U2SURP: variants seen among roughly 807,000 people sequenced by gnomAD.
The protein encoded by U2SURP is U2 snRNP-associated SURP motif-containing protein.
In U2SURP, 9 loss-of-function variants were observed where a neutral mutation model predicts 144.9. The observed-to-expected ratio is 0.06, with a 90% confidence interval of 0.04 to 0.11. The LOEUF is 0.11. U2SURP is among the 10% of genes least tolerant of loss of function. The probability of loss-of-function intolerance (pLI) is 1.00; values close to 1 mark genes in which losing one functional copy is unlikely to be tolerated. For synonymous variants in U2SURP, 408 were observed against 396.8 expected (o/e 1.03, Z -0.33); for missense variants, 724 against 1,226.7 (o/e 0.59, Z 6.12).
At chr3:143,026,961 T>A (rs990282144) in intron 13 of U2SURP, 188 bp from the exon 14 acceptor site, 4 of 464,740 alleles carry the variant, frequency 8.6e-6, no homozygotes, top group Non-Finnish European at 1.5e-5. Flanking sequence ...ACTTCCCTAC[T>A]CCCACTGCCC....
intron 17 of U2SURP, 119 bp downstream of exon 17, chr3:143,033,065 T>C (rs1933596052): frequency 6.7e-6 from 8 of 1,196,632 alleles, no homozygotes; most frequent in Non-Finnish European, 9.3e-6. Flanking sequence ...TCTTATGTTA[T>C]TTCTGCTTGG....
chr3:143,037,958 T>G, intron 21 of U2SURP, 150 bp from the exon 22 acceptor site: 1 of 469,944 alleles, frequency 2.1e-6, no homozygotes, highest in Non-Finnish European at 3.8e-6. Context: ...GAGAATTGGT[T>G]TAGTCATAGT....
intron 1 of U2SURP, among the ~76,000 whole-genome samples, chr3:143,005,702 CTT>C (rs1172556027): frequency 6.6e-6 from 1 of 152,006 alleles, no homozygotes; most frequent in Non-Finnish European, 1.5e-5. Context: ...TTTATTTTCA[CTT>C]TTTGTTTTTT....
intron 6 of U2SURP, among the ~76,000 whole-genome samples, chr3:143,018,073 T>A (rs374523963): frequency 5.8e-4 from 88 of 152,120 alleles, no homozygotes; most frequent in Middle Eastern, 6.8e-3. Flanking sequence ...AGAAAAAAAA[T>A]TTAAATAAAG....
intron 18 of U2SURP, among the ~76,000 whole-genome samples, chr3:143,033,881 C>T (rs1933652971): frequency 6.6e-6 from 1 of 152,142 alleles, no homozygotes; most frequent in Non-Finnish European, 1.5e-5. Context: ...TATCATATCA[C>T]TTTCTTAGCT....
intron 13 of U2SURP, chr3:143,025,747 C>T (rs1578135530): frequency 6.6e-6 from 1 of 152,082 alleles, no homozygotes; most frequent in South Asian, 2.1e-4. Flanking sequence ...CATGATTTCC[C>T]CTTTGTAAAG....
chr3:143,014,000 C>T (rs1936239380), intron 3 of U2SURP, among the ~76,000 whole-genome samples: 1 of 151,868 alleles, frequency 6.6e-6, no homozygotes, highest in African/African-American at 2.4e-5. Flanking sequence ...CTGTACTTTC[C>T]CCCTCAAATG....
At position 143,010,807 on chromosome 3, in the gene U2SURP, A is replaced by C; in HGVS notation, c.46-8A>C. On this transcript the variant is annotated splice_region_variant and splice_polypyrimidine_tract_variant and intron_variant, in intron 1 of 27. Transcript: ENST00000473835. ...TAAATTATTGACTTTTATTTTTGAT[A>C]CTTGTAGACGAGATCATCAGATGTT... 6.3e-7 allele frequency: 1 copy of C among 1,597,696 alleles called. No individual in the cohort carries two copies. Among genetic ancestry groups the C allele is most frequent in the Non-Finnish European group, 8.5e-7 (1 of 1,169,964 alleles).
At chr3:143,007,597 G>C (rs1350559257) in intron 1 of U2SURP, among the ~76,000 whole-genome samples, 1 of 151,714 alleles carries the variant, frequency 6.6e-6, no homozygotes, top group Non-Finnish European at 1.5e-5. Context: ...GCCCGCCACC[G>C]CACCTGGCCA....
chr3:143,053,566 A>C, intron 25 of U2SURP, 110 bp from the exon 26 acceptor site: 1 of 811,100 alleles, frequency 1.2e-6, no homozygotes, highest in Non-Finnish European at 1.8e-6. Context: ...TTGTACCTTA[A>C]GTAGTAATTT....
At chr3:143,022,696 C>T (rs763826834) in intron 11 of U2SURP, 34 bp downstream of exon 11, 2 of 1,574,204 alleles carry the variant, frequency 1.3e-6, no homozygotes, top group South Asian at 2.3e-5. Context: ...TTATACAATT[C>T]AGATATTTCT....
chr3:143,034,257 A>C (rs1190612618), intron 18 of U2SURP, among the ~76,000 whole-genome samples: 5 of 152,146 alleles, frequency 3.3e-5, no homozygotes, highest in Middle Eastern at 3.2e-3. Flanking sequence ...TACAAAGATT[A>C]GCTGGGCGTG....
intron 24 of U2SURP, among the ~76,000 whole-genome samples, chr3:143,048,215 TG>T (rs1338236966): frequency 3.3e-5 from 5 of 152,232 alleles, no homozygotes; most frequent in Admixed American, 6.5e-5. Context: ...TTGAGACCCT[TG>T]ATCATCTGTT....
intron 1 of U2SURP, among the ~76,000 whole-genome samples, chr3:143,007,967 T>C (rs1027036319): frequency 1.3e-5 from 2 of 152,254 alleles, no homozygotes; most frequent in African/African-American, 4.8e-5. Context: ...AGTTCCGTGC[T>C]GAATGCTATG....
At chr3:143,027,101 A>G (rs780666357) in intron 13 of U2SURP, 48 bp from the exon 14 acceptor site, 31 of 1,373,422 alleles carry the variant, frequency 2.3e-5, no homozygotes, top group South Asian at 5.9e-5. Flanking sequence ...GTAGTTTTAT[A>G]TAGTGGTAGG....
intron 1 of U2SURP, among the ~76,000 whole-genome samples, chr3:143,007,974 T>C (rs1935931356): frequency 1.3e-5 from 2 of 152,232 alleles, no homozygotes. Flanking sequence ...TGCTGAATGC[T>C]ATGTAGCTGT....
intron 3 of U2SURP, among the ~76,000 whole-genome samples, chr3:143,014,085 G>T (rs1417029380): frequency 6.7e-6 from 1 of 150,324 alleles, no homozygotes; most frequent in South Asian, 2.1e-4. Context: ...ACTTTTGCAT[G>T]TTTTTGACCT....
chr3:143,047,479 G>C (rs1361952151), intron 24 of U2SURP, among the ~76,000 whole-genome samples: 1 of 32,884 alleles, frequency 3.0e-5, no homozygotes, highest in African/African-American at 1.6e-4. Flanking sequence ...TGGACGGGGC[G>C]ACTGGCCGGG....
At chr3:143,034,522 G>A (rs1004223263) in intron 18 of U2SURP, 1 of 155,944 alleles carries the variant, frequency 6.4e-6, no homozygotes, top group Non-Finnish European at 1.4e-5. Flanking sequence ...AATTTAGAGA[G>A]CTGGATCCTA....
Sources: gnomAD v4.1 joint callset for allele counts (sites outside exome capture counted in the v4.1 genomes callset) on GRCh38, gnomAD v4.1.1 for gene constraint, MANE v1.5 for transcripts, NCBI Gene and HGNC (gene_info 2026-07-23, HGNC 2026-07-21) for gene names.